The following CARF variants were observed in gnomAD, a reference collection of about 807,000 sequenced individuals.
CARF encodes the protein calcium responsive transcription factor, also known as calcium-responsive transcription factor.
CARF carries 57 observed loss-of-function variants against 82.0 expected under a neutral mutation model. The observed-to-expected ratio is 0.70, with a 90% confidence interval of 0.56 to 0.87. The LOEUF is 0.87. CARF is among the 40% of genes least tolerant of loss of function. The probability of loss-of-function intolerance (pLI) is 0.00; values close to 1 mark genes in which losing one functional copy is unlikely to be tolerated. For synonymous variants in CARF, 268 were observed against 290.1 expected, an observed-to-expected ratio of 0.92 and a Z score of 0.77; for missense variants, 771 against 855.8, an observed-to-expected ratio of 0.90 and a Z score of 1.24.
Position 202,967,009 on chromosome 2 carries a change from T to G in CARF, c.864T>G (p.Tyr288Ter). The change falls in exon 10 of 17, where the codon TAT becomes TAG. Residue 288 changes from tyrosine (Y) to a stop codon, truncating the protein, a stop_gained. Transcript: ENST00000438828. LOFTEE classifies it high-confidence loss of function. ...GSRAVVMECQ[Y>*]GPRRKGFQLK... ...GAGCTGTGGTAATGGAGTGTCAGTA[T>G]GGGCCAAGAAGAAAAGGTTTCCAGT... 1 of 1,614,002 alleles carries G rather than the reference T, an allele frequency of 6.2e-7. No individual in the cohort carries two copies. The highest frequency in any genetic ancestry group is 8.5e-7 in the Non-Finnish European group (1 of 1,179,968).
chr2:202,917,238 C>T (rs1018294426), intron 1 of CARF, among the ~76,000 whole-genome samples: 2 of 94,090 alleles, frequency 2.1e-5, no homozygotes, highest in African/African-American at 7.3e-5. Flanking sequence ...AAAAAAAAAG[C>T]GCTGAGCTGC....
chr2:202,923,198 G>A (rs1435273776), intron 2 of CARF, among the ~76,000 whole-genome samples: 2 of 151,586 alleles, frequency 1.3e-5, no homozygotes, highest in Admixed American at 6.6e-5. Context: ...CCGAGATCAC[G>A]GCCATTGCAC....
chr2:202,936,420 A>G (rs1307637322), intron 3 of CARF, among the ~76,000 whole-genome samples: 1 of 152,214 alleles, frequency 6.6e-6, no homozygotes, highest in Non-Finnish European at 1.5e-5. Context: ...TTTGGTACCC[A>G]TTAGTCCATT....
At chr2:202,968,496 T>G (rs2059646071) in intron 10 of CARF, among the ~76,000 whole-genome samples, 1 of 152,166 alleles carries the variant, frequency 6.6e-6, no homozygotes, top group African/African-American at 2.4e-5. Flanking sequence ...AATATTAACT[T>G]TAGGTAATAT....
rs989266248 is a variant in CARF at position 202,975,217 on chromosome 2, A to T, written c.1494+721A>T. On this transcript the variant is annotated intron_variant, in intron 13 of 16. Transcript: ENST00000438828. ...ACGCCTGTAATCCCAGCACTTTGGG[A>T]GGCTGAGATGGGCAGATCACAAGGT... Among the ~76,000 whole-genome samples, 7 of 152,296 alleles carry T rather than the reference A, an allele frequency of 4.6e-5. No individual in the cohort carries two copies. In the East Asian group the frequency reaches 1.2e-3, roughly 25 times the overall value.
Position 202,912,365 on chromosome 2 carries a change from G to C in CARF, c.-1067G>C, listed in dbSNP as rs1295401422. On this transcript the variant is annotated 5_prime_UTR_variant, in exon 1 of 17. Coordinates refer to ENST00000438828, the MANE Select transcript of CARF (RefSeq NM_024744.17). Reference sequence around the variant, plus strand: ...TTTGAATTTTCTCCCCTCTGCTCCGGCGGACTTCCCATGTCGCCTTGTGGG... The same window carrying C: ...TTTGAATTTTCTCCCCTCTGCTCCGCCGGACTTCCCATGTCGCCTTGTGGG... 5 of 151,856 alleles carry C rather than the reference G, an allele frequency of 3.3e-5. No homozygotes were observed. Among genetic ancestry groups the C allele is most frequent in the Non-Finnish European group, 7.4e-5 (5 of 67,946 alleles). The allele number at this position is 151,856 out of a possible 1,614,324, so 9.4% of individuals were successfully genotyped here. A position where few individuals can be genotyped will look rare whatever the true frequency, so the allele number is the denominator to read the frequency against.
chr2:202,913,270 A>T (rs1350686482), intron 1 of CARF, among the ~76,000 whole-genome samples, 168 bp downstream of exon 1: 3 of 152,232 alleles, frequency 2.0e-5, no homozygotes, highest in African/African-American at 7.2e-5. Context: ...AGCAATGACA[A>T]TAAAAGTAGG....
At chr2:202,937,883 C>G (rs1262572993) in intron 3 of CARF, among the ~76,000 whole-genome samples, 1 of 151,672 alleles carries the variant, frequency 6.6e-6, no homozygotes, top group African/African-American at 2.4e-5. Flanking sequence ...CCTCAGCCTC[C>G]CAAAGTGCAG....
chr2:202,952,025 G>T (rs932953460), intron 5 of CARF, among the ~76,000 whole-genome samples: 2 of 151,980 alleles, frequency 1.3e-5, no homozygotes. Flanking sequence ...TGGAGACAGG[G>T]TTTCACCATG....
intron 3 of CARF, among the ~76,000 whole-genome samples, chr2:202,936,980 A>G (rs1694050842): frequency 1.3e-5 from 2 of 152,300 alleles, no homozygotes; most frequent in East Asian, 1.9e-4. Context: ...GGTATGTAAT[A>G]TGAGGTAGGA....
chr2:202,984,396 AGG>A lies in CARF; in HGVS notation c.*773_*774del, dbSNP rs1488186906. 53 of 152,344 alleles carry A rather than the reference AGG, an allele frequency of 3.5e-4. No individual in the cohort carries two copies. Among genetic ancestry groups the A allele is most frequent in the African/African-American group, 1.3e-3 (53 of 41,588 alleles). 9.4% of individuals were successfully genotyped at this position (152,344 alleles called of 1,614,324 possible). On this transcript the variant is annotated 3_prime_UTR_variant, in exon 17 of 17. Coordinates refer to ENST00000438828, the MANE Select transcript of CARF (RefSeq NM_024744.17). The stretch of plus-strand genomic sequence containing the variant: ...TGCTATATTGGAAGTAAAACACTAT[AGG>A]CAGAAAGATGTAGAAATTAAGAGAA...
rs1690034943 is a variant in CARF at position 202,917,939 on chromosome 2, A to C, written c.-267A>C. On this transcript the variant is annotated 5_prime_UTR_variant, in exon 2 of 17. The change abolishes the stop of an existing upstream ORF in the 5' untranslated region. Transcript: ENST00000438828. ...CATAAATGAAGCTACAGCTATCATG[A>C]TTTAGTGCCCCCAAAAGGAAGAACT... 2.5e-6 allele frequency: 1 copy of C among 396,462 alleles called. No homozygotes were observed. The highest frequency in any genetic ancestry group is 1.9e-5 in the South Asian group (1 of 51,512). 24.6% of individuals were successfully genotyped at this position (396,462 alleles called of 1,614,324 possible). A position where few individuals can be genotyped will look rare whatever the true frequency, so the allele number is the denominator to read the frequency against.
At chr2:202,920,746 A>C (rs1690647220) in intron 2 of CARF, among the ~76,000 whole-genome samples, 1 of 152,194 alleles carries the variant, frequency 6.6e-6, no homozygotes, top group African/African-American at 2.4e-5. Context: ...AGAATAGTAA[A>C]TTGTATTCCT....
At chr2:202,965,620 T>C (rs189576747) in intron 9 of CARF, among the ~76,000 whole-genome samples, 1 of 152,290 alleles carries the variant, frequency 6.6e-6, no homozygotes, top group African/African-American at 2.4e-5. Flanking sequence ...GTTATATATC[T>C]TATAAAATGC....
Position 202,986,895 on chromosome 2 carries a change from T to TATATATAC in CARF, c.*3278_*3279insCATATATA, listed in dbSNP as rs2060465495. 6 of 107,548 alleles carry TATATATAC rather than the reference T, an allele frequency of 5.6e-5. No individual in the cohort carries two copies. The highest frequency in any genetic ancestry group is 1.9e-4 in the Admixed American group (2 of 10,694). The allele number at this position is 107,548 out of a possible 1,614,324, so 6.7% of individuals were successfully genotyped here. On this transcript the variant is annotated 3_prime_UTR_variant, in exon 17 of 17. Coordinates refer to ENST00000438828, the MANE Select transcript of CARF (RefSeq NM_024744.17). ...ATATATATATATATATATATATATA[T>TATATATAC]ATATATATATATAGCAACTTGATGT...
intron 5 of CARF, among the ~76,000 whole-genome samples, chr2:202,950,493 A>G (rs978861607): frequency 6.6e-6 from 1 of 152,162 alleles, no homozygotes; most frequent in South Asian, 2.1e-4. Flanking sequence ...AAGAATTTAA[A>G]ACAATATTAT....
chr2:202,925,159 G>T, intron 3 of CARF: 1 of 327,534 alleles, frequency 3.1e-6, no homozygotes, highest in Non-Finnish European at 6.1e-6. Flanking sequence ...ACCAGTGGAG[G>T]ACTATCAAAA....
chr2:202,942,082 A>C (rs537692553), intron 4 of CARF, 102 bp downstream of exon 4: 140 of 943,990 alleles, frequency 1.5e-4, no homozygotes, highest in South Asian at 6.7e-4. Context: ...TAGTGTATTC[A>C]AGAATTTTGA....
chr2:202,967,180 A>AC, intron 10 of CARF, 82 bp downstream of exon 10: 1 of 1,442,446 alleles, frequency 6.9e-7, no homozygotes, highest in Admixed American at 2.2e-5. Context: ...TTAGGTTTAT[A>AC]CAGTACCAAA....
Sources: allele counts gnomAD v4.1 joint callset (sites outside exome capture counted in the v4.1 genomes callset), GRCh38; gene constraint gnomAD v4.1.1; transcripts MANE v1.5; gene names NCBI Gene and HGNC (gene_info 2026-07-23, HGNC 2026-07-21).